ADAMTSL1: variants seen among roughly 807,000 people sequenced by gnomAD.
The protein encoded by ADAMTSL1 is ADAMTS-like protein 1.
A neutral mutation model predicts 201.8 loss-of-function variants in ADAMTSL1; 126 were observed. That is an observed-to-expected ratio of 0.62 (90% confidence interval 0.54 to 0.72). The LOEUF is 0.72. Ranked by LOEUF, ADAMTSL1 falls within the 30% of genes least tolerant of loss-of-function variation. The pLI, the probability that ADAMTSL1 is intolerant of heterozygous loss-of-function variation, is 0.00. For missense variants in ADAMTSL1, 2,679 were observed against 2,277.8 expected (o/e 1.18, Z -3.59); for synonymous variants, 1,121 against 903.4 (o/e 1.24, Z -4.32).
At chr9:18,648,433 A>C (rs1228942464) in intron 7 of ADAMTSL1, among the ~76,000 whole-genome samples, 1 of 151,996 alleles carries the variant, frequency 6.6e-6, no homozygotes, top group African/African-American at 2.4e-5. Context: ...TGTCATTATG[A>C]TGTTAGCTGG....
chr9:18,229,631 G>A (rs1187423211), intron 2 of ADAMTSL1, among the ~76,000 whole-genome samples: 1 of 151,862 alleles, frequency 6.6e-6, no homozygotes, highest in Admixed American at 6.6e-5. Flanking sequence ...AAGCTACCAA[G>A]TCTCTTCCAA....
intron 15 of ADAMTSL1, among the ~76,000 whole-genome samples, chr9:18,739,231 A>C (rs1049638848): frequency 6.6e-6 from 1 of 152,218 alleles, no homozygotes; most frequent in African/African-American, 2.4e-5. Context: ...TTTATAGATA[A>C]ATGAGTTGGC....
At chr9:18,057,652 G>C (rs2131686821) in intron 1 of ADAMTSL1, among the ~76,000 whole-genome samples, 1 of 152,278 alleles carries the variant, frequency 6.6e-6, no homozygotes, top group Non-Finnish European at 1.5e-5. Flanking sequence ...GCATCACCCA[G>C]ACCAGTCCAA....
At chr9:18,805,414 A>C (rs1288155251) in intron 20 of ADAMTSL1, among the ~76,000 whole-genome samples, 4 of 152,172 alleles carry the variant, frequency 2.6e-5, no homozygotes, top group Admixed American at 2.6e-4. Flanking sequence ...ATTCATCAGA[A>C]GGTCCCAGCA....
At chr9:18,054,710 T>G (rs1822096349) in intron 1 of ADAMTSL1, among the ~76,000 whole-genome samples, 1 of 152,246 alleles carries the variant, frequency 6.6e-6, no homozygotes, top group African/African-American at 2.4e-5. Flanking sequence ...ATGAAAGAGT[T>G]GGGGTTACAT....
chr9:18,880,416 A>C (rs561300138), intron 23 of ADAMTSL1, among the ~76,000 whole-genome samples: 79 of 152,338 alleles, frequency 5.2e-4, no homozygotes, highest in Admixed American at 8.5e-4. Context: ...TCCTTGATCC[A>C]TGGGCTGCAG....
Position 18,513,707 on chromosome 9 carries a change from T to A in ADAMTSL1, c.191+8751T>A, listed in dbSNP as rs189667670. On this transcript the variant is annotated intron_variant, in intron 2 of 28. Transcript: ENST00000380548. ...TTGATAGCAATTTTATTCTTTCACA[T>A]GTGGATATCCAGTTTTCCCAGCACC... 3.3e-5 allele frequency among the ~76,000 whole-genome samples: 5 copies of A among 152,354 alleles called. No homozygotes were observed. In the East Asian group the frequency reaches 7.7e-4, roughly 23 times the overall value.
chr9:18,439,418 A>G (rs2772397), intron 2 of ADAMTSL1, among the ~76,000 whole-genome samples: 150,313 of 152,352 alleles, frequency 0.99, 74,171 homozygotes, highest in East Asian at 1. Context: ...CCAGGCTGGA[A>G]TGCAGTGGCG....
intron 2 of ADAMTSL1, among the ~76,000 whole-genome samples, chr9:18,236,492 C>G (rs1052443583): frequency 1.6e-4 from 25 of 152,320 alleles, no homozygotes; most frequent in African/African-American, 5.8e-4. Context: ...CTGTCCATAT[C>G]AAAAGCTGTT....
intron 2 of ADAMTSL1, among the ~76,000 whole-genome samples, chr9:18,435,338 C>G (rs1230274014): frequency 6.6e-6 from 1 of 152,124 alleles, no homozygotes; most frequent in Non-Finnish European, 1.5e-5. Context: ...ATTTATTTGT[C>G]CAACCAATAA....
At chr9:18,526,535 A>G (rs894759687) in intron 2 of ADAMTSL1, among the ~76,000 whole-genome samples, 17 of 152,198 alleles carry the variant, frequency 1.1e-4, no homozygotes, top group Non-Finnish European at 1.8e-4. Flanking sequence ...TCCCAGCATC[A>G]ATGGTCTTTA....
At chr9:18,859,359 T>C (rs1453741516) in intron 23 of ADAMTSL1, among the ~76,000 whole-genome samples, 1 of 152,224 alleles carries the variant, frequency 6.6e-6, no homozygotes, top group Non-Finnish European at 1.5e-5. Context: ...ACTCGCTATC[T>C]TCCCCATTAT....
intron 1 of ADAMTSL1, among the ~76,000 whole-genome samples, chr9:17,919,257 T>G (rs571548216): frequency 9.9e-5 from 15 of 151,928 alleles, no homozygotes; most frequent in Non-Finnish European, 1.9e-4. Flanking sequence ...GTACACTTCC[T>G]TTTTGTAAAA....
At chr9:18,510,925 CT>C (rs1817985827) in intron 2 of ADAMTSL1, among the ~76,000 whole-genome samples, 1 of 152,058 alleles carries the variant, frequency 6.6e-6, no homozygotes. Flanking sequence ...ATTTGTCTAG[CT>C]TTTTAAAAAA....
At chr9:17,951,363 G>A (rs908299473) in intron 1 of ADAMTSL1, among the ~76,000 whole-genome samples, 4 of 152,132 alleles carry the variant, frequency 2.6e-5, no homozygotes, top group African/African-American at 9.7e-5. Context: ...GAGTTGCTTA[G>A]TCTTTGGCAT....
intron 16 of ADAMTSL1, among the ~76,000 whole-genome samples, chr9:18,754,849 T>A (rs1289483238): frequency 6.6e-6 from 1 of 152,216 alleles, no homozygotes; most frequent in Non-Finnish European, 1.5e-5. Context: ...ATACTATGGA[T>A]GGTTTGTGGA....
chr9:18,421,002 A>G (rs1444940594), intron 2 of ADAMTSL1, among the ~76,000 whole-genome samples: 10 of 152,168 alleles, frequency 6.6e-5, no homozygotes, highest in African/African-American at 2.4e-4. Flanking sequence ...GCAGAGGCTG[A>G]GGAAGAATTC....
chr9:18,779,596 G>A (rs1821265979), intron 19 of ADAMTSL1, among the ~76,000 whole-genome samples: 1 of 152,148 alleles, frequency 6.6e-6, no homozygotes, highest in Admixed American at 6.5e-5. Flanking sequence ...CTTTTAACCT[G>A]CCCCTCTGTC....
chr9:17,939,784 G>A (rs991873436), intron 1 of ADAMTSL1, among the ~76,000 whole-genome samples: 8 of 152,096 alleles, frequency 5.3e-5, no homozygotes, highest in African/African-American at 1.9e-4. Context: ...TTCTTGCAAA[G>A]TACATAATCT....
Sources: allele counts gnomAD v4.1 joint callset (sites outside exome capture counted in the v4.1 genomes callset), GRCh38; gene constraint gnomAD v4.1.1; transcripts MANE v1.5; gene names NCBI Gene and HGNC (gene_info 2026-07-23, HGNC 2026-07-21).